Variants in RBM19 observed in about 807,000 individuals in gnomAD.
RBM19 encodes RNA binding motif protein 19, also known as probable RNA-binding protein 19.
In RBM19, 94 loss-of-function variants were observed where a neutral mutation model predicts 116.8. That is an observed-to-expected ratio of 0.80 (90% CI 0.68 to 0.95). RBM19 has a LOEUF of 0.95. RBM19 is among the 40% of genes least tolerant of loss of function. The pLI is 0.00. For synonymous variants in RBM19, 475 were observed against 494.1 expected, an observed-to-expected ratio of 0.96 and a Z score of 0.51; for missense variants, 1,161 against 1,220.7, an observed-to-expected ratio of 0.95 and a Z score of 0.73.
chr12:113,864,236 A>G (rs1469370175), intron 21 of RBM19, among the ~76,000 whole-genome samples: 1 of 152,164 alleles, frequency 6.6e-6, no homozygotes, highest in African/African-American at 2.4e-5. Flanking sequence ...GCAGCCAAAG[A>G]TGATGCAGAG....
At chr12:113,823,345 G>T in intron 23 of RBM19, 24 bp from the exon 24 acceptor site, 1 of 1,603,966 alleles carries the variant, frequency 6.2e-7, no homozygotes. Context: ...GATGGCAAGA[G>T]AGGAGAAAAG....
At chr12:113,886,293 C>T (rs1318909143) in intron 21 of RBM19, among the ~76,000 whole-genome samples, 4 of 152,048 alleles carry the variant, frequency 2.6e-5, no homozygotes, top group East Asian at 1.9e-4. Context: ...CCACCATGCC[C>T]GGCTAATTTT....
At chr12:113,940,394 TG>T (rs5801017) in intron 14 of RBM19, among the ~76,000 whole-genome samples, 25,010 of 152,190 alleles carry the variant, frequency 0.16, 2,794 homozygotes, top group African/African-American at 0.32. Flanking sequence ...CTGGAGCTTC[TG>T]GATCAAATCC....
At chr12:113,958,117 G>A (rs1872137084) in intron 5 of RBM19, 67 bp from the exon 6 acceptor site, 3 of 1,540,110 alleles carry the variant, frequency 1.9e-6, no homozygotes, top group Non-Finnish European at 2.6e-6. Flanking sequence ...GGTAGCAAAT[G>A]GTAGATGGTC....
intron 21 of RBM19, among the ~76,000 whole-genome samples, chr12:113,884,239 C>G (rs1395266244): frequency 6.6e-6 from 1 of 150,604 alleles, no homozygotes; most frequent in Non-Finnish European, 1.5e-5. Flanking sequence ...TCCATTATAG[C>G]ACCACTGCAC....
chr12:113,841,688 G>A (rs1323165947), intron 23 of RBM19, among the ~76,000 whole-genome samples: 1 of 152,142 alleles, frequency 6.6e-6, no homozygotes, highest in Non-Finnish European at 1.5e-5. Flanking sequence ...GCCTCACAAA[G>A]TGCTGGGATT....
At chr12:113,884,282 C>CAA (rs112733518) in intron 21 of RBM19, among the ~76,000 whole-genome samples, 8 of 121,434 alleles carry the variant, frequency 6.6e-5, no homozygotes, top group African/African-American at 2.3e-4. Context: ...GACAATATCT[C>CAA]AAAAAAAAAA....
At chr12:113,840,198 T>G (rs1786411175) in intron 23 of RBM19, among the ~76,000 whole-genome samples, 2 of 152,232 alleles carry the variant, frequency 1.3e-5, no homozygotes, top group African/African-American at 4.8e-5. Flanking sequence ...TTCAAGGGAT[T>G]ATCATGTTTC....
At chr12:113,921,682 C>T (rs565086645) in intron 18 of RBM19, among the ~76,000 whole-genome samples, 14 of 152,294 alleles carry the variant, frequency 9.2e-5, no homozygotes, top group East Asian at 3.9e-4. Context: ...CACCCCATGG[C>T]GACTTTAAAT....
intron 11 of RBM19, 102 bp from the exon 12 acceptor site, chr12:113,946,577 C>T: frequency 6.7e-7 from 1 of 1,494,874 alleles, no homozygotes; most frequent in Non-Finnish European, 9.2e-7. Flanking sequence ...CTGGACCCAG[C>T]ACTGAAACCC....
intron 14 of RBM19, among the ~76,000 whole-genome samples, chr12:113,941,012 G>T (rs2135907845): frequency 6.6e-6 from 1 of 152,324 alleles, no homozygotes; most frequent in East Asian, 1.9e-4. Context: ...AATGTTGGAG[G>T]AGGATAAAAG....
In RBM19 at chr12:113,957,912, T is replaced by A; in HGVS notation, c.710A>T (p.Asp237Val). ...EESEDEAVHC[D>V]EGSEAEEEDS... ...CTCTTCCTCGGCCTCACTCCCTTCA[T>A]CACAGTGCACGGCTTCATCTTCACT... The change falls in exon 6 of 24, where the codon GAT becomes GTT. Residue 237 changes from aspartate (D) to valine (V), a missense_variant. Asp to Val is a radical substitution (Grantham distance 152). Coordinates refer to ENST00000261741, the MANE Select transcript of RBM19 (RefSeq NM_016196.4). 3.1e-6 allele frequency: 5 copies of A among 1,614,150 alleles called. No homozygotes were observed. The highest frequency in any genetic ancestry group is 3.4e-6 in the Non-Finnish European group (4 of 1,180,028).
At chr12:113,882,622 G>T (rs569123829) in intron 21 of RBM19, among the ~76,000 whole-genome samples, 39 of 152,364 alleles carry the variant, frequency 2.6e-4, no homozygotes, top group Middle Eastern at 3.4e-3. Context: ...CTGGAGGCAC[G>T]GGGGGAGGGA....
At chr12:113,884,239 C>T (rs1395266244) in intron 21 of RBM19, among the ~76,000 whole-genome samples, 1 of 150,604 alleles carries the variant, frequency 6.6e-6, no homozygotes, top group African/African-American at 2.4e-5. Flanking sequence ...TCCATTATAG[C>T]ACCACTGCAC....
At chr12:113,940,612 G>A (rs1343922204) in intron 14 of RBM19, among the ~76,000 whole-genome samples, 1 of 152,192 alleles carries the variant, frequency 6.6e-6, no homozygotes, top group Non-Finnish European at 1.5e-5. Context: ...TCCTTGGGTG[G>A]GATGAGACTG....
chr12:113,844,291 G>A (rs890372474), intron 23 of RBM19, among the ~76,000 whole-genome samples: 21 of 152,190 alleles, frequency 1.4e-4, no homozygotes, highest in South Asian at 2.1e-4. Context: ...TGCGGACACC[G>A]GAATCTGAAC....
chr12:113,868,921 G>A (rs1452793198), intron 21 of RBM19, among the ~76,000 whole-genome samples: 1 of 152,152 alleles, frequency 6.6e-6, no homozygotes, highest in African/African-American at 2.4e-5. Flanking sequence ...ATCCCAGCCC[G>A]GCACCTGCCA....
chr12:113,964,187 C>T (rs1007522495), intron 1 of RBM19, among the ~76,000 whole-genome samples: 4 of 152,118 alleles, frequency 2.6e-5, no homozygotes, highest in African/African-American at 9.7e-5. Context: ...AATCCCTAAA[C>T]TAAAGATTGC....
Position 113,951,421 on chromosome 12 carries a change from T to C in RBM19, c.1000+1091A>G, listed in dbSNP as rs528042111. Among the ~76,000 whole-genome samples, 4 of 152,260 alleles carry C rather than the reference T, an allele frequency of 2.6e-5. No homozygotes were observed. The East Asian group carries it at 7.7e-4, about 29-fold the overall frequency. On this transcript the variant is annotated intron_variant, in intron 8 of 23. Transcript: ENST00000261741. ...ACCATCACCACCACCATCATGAATA[T>C]TAACAGCAGCTTTCATGGAGTGTGC... is the stretch of plus-strand genomic sequence containing the variant.
Sources: gnomAD v4.1 joint callset for allele counts (sites outside exome capture counted in the v4.1 genomes callset) on GRCh38, gnomAD v4.1.1 for gene constraint, MANE v1.5 for transcripts, NCBI Gene and HGNC (gene_info 2026-07-23, HGNC 2026-07-21) for gene names.